The following KCNB2 variants were observed in gnomAD, a reference collection of about 807,000 sequenced individuals.
The protein encoded by KCNB2 is delayed rectifier potassium channel protein.
A neutral mutation model predicts 61.5 loss-of-function variants in KCNB2; 15 were observed. That is an observed-to-expected ratio of 0.24 (90% CI 0.16 to 0.38). The LOEUF (loss-of-function observed/expected upper bound fraction) is 0.38, where lower values mean the gene tolerates loss of function less well. KCNB2 is among the 10% of genes least tolerant of loss of function. KCNB2 has a pLI of 1.00. For synonymous variants in KCNB2, 457 were observed against 446.0 expected (o/e 1.02, Z -0.31); for missense variants, 828 against 1,125.2 (o/e 0.74, Z 3.78).
chr8:72,787,780 G>T (rs778008353), intron 2 of KCNB2, among the ~76,000 whole-genome samples: 3 of 151,996 alleles, frequency 2.0e-5, no homozygotes, highest in Non-Finnish European at 4.4e-5. Context: ...TGTCTTTTAT[G>T]CATTTTACAT....
rs746508455 is a variant in KCNB2, at chr8:72,936,930, C to T, written c.1575C>T (p.Asn525=). ...AAAAAGACTCCCACGAGCAGCTGAACAACACGTCTTCCTCCAGCCCACAGC... is the reference window on the plus strand; with the variant it reads ...AAAAAGACTCCCACGAGCAGCTGAATAACACGTCTTCCTCCAGCCCACAGC... ...VSQKDSHEQL[N]NTSSSSPQHL... is the part of the protein sequence containing the mutation. The change falls in exon 3 of 3, where the codon AAC becomes AAT. Residue 525 remains asparagine, a synonymous_variant. Coordinates refer to ENST00000523207, the MANE Select transcript of KCNB2 (RefSeq NM_004770.3). This position sits in a 1 kb window ranked among gnomAD's most constrained non-coding sequence, Gnocchi z 5.6. 6.2e-7 allele frequency: 1 copy of T among 1,614,160 alleles called. No homozygotes were observed. The highest frequency in any genetic ancestry group is 8.5e-7 in the Non-Finnish European group (1 of 1,180,028).
chr8:72,626,393 A>G (rs1208963420), intron 2 of KCNB2, among the ~76,000 whole-genome samples: 1 of 152,210 alleles, frequency 6.6e-6, no homozygotes. Flanking sequence ...CTTGAAATTA[A>G]TATGTAATCA....
intron 2 of KCNB2, among the ~76,000 whole-genome samples, chr8:72,623,706 A>G (rs1000360145): frequency 1.6e-4 from 24 of 152,216 alleles, no homozygotes; most frequent in East Asian, 1.9e-4. Context: ...CTTCCTGGTC[A>G]TATTCAAAAA....
chr8:72,931,973 A>G (rs1054541639), intron 2 of KCNB2, among the ~76,000 whole-genome samples: 1 of 152,224 alleles, frequency 6.6e-6, no homozygotes, highest in Middle Eastern at 3.4e-3. Context: ...AGATCGTGCC[A>G]CTGCACTCCA....
intron 2 of KCNB2, among the ~76,000 whole-genome samples, chr8:72,725,593 A>ATGTG (rs1225131935): frequency 1.2e-4 from 4 of 32,434 alleles, no homozygotes; most frequent in African/African-American, 3.0e-4. Context: ...ATATGTATGT[A>ATGTG]TATATATATA....
chr8:72,923,208 G>T (rs1018845931), intron 2 of KCNB2, among the ~76,000 whole-genome samples: 5 of 151,824 alleles, frequency 3.3e-5, no homozygotes, highest in African/African-American at 1.2e-4. Flanking sequence ...GCTTCAGAAA[G>T]AATAGATTGT....
intron 2 of KCNB2, among the ~76,000 whole-genome samples, chr8:72,762,514 A>C (rs530796221): frequency 2.8e-4 from 42 of 152,224 alleles, no homozygotes; most frequent in African/African-American, 9.9e-4. Context: ...ACTGCTTGGC[A>C]CAGTTTAGGT....
Position 72,860,380 on chromosome 8 carries a change from G to A in KCNB2, c.580-75555G>A, listed in dbSNP as rs185796054. On this transcript the variant is annotated intron_variant, in intron 2 of 2. Coordinates refer to ENST00000523207, the MANE Select transcript of KCNB2 (RefSeq NM_004770.3). ...TTTGTTTCTTGTCATCCTAGTAGAT[G>A]TGAAATGGTATCTTATTGTGGTTTT... Among the ~76,000 whole-genome samples the A allele has an allele frequency of 1.6e-4, 24 of 152,284 alleles. 1 individual carries two copies. In the East Asian group the frequency reaches 4.2e-3, roughly 27 times the overall value.
At chr8:72,867,367 G>A (rs1805537815) in intron 2 of KCNB2, among the ~76,000 whole-genome samples, 2 of 152,220 alleles carry the variant, frequency 1.3e-5, no homozygotes, top group Non-Finnish European at 2.9e-5. Context: ...GTGGGCCAGA[G>A]GCCGGGAGTG....
At chr8:72,930,219 T>C (rs1806750308) in intron 2 of KCNB2, among the ~76,000 whole-genome samples, 3 of 151,874 alleles carry the variant, frequency 2.0e-5, no homozygotes, top group Admixed American at 1.3e-4. Flanking sequence ...TTTGGGTTGG[T>C]TCCAGGTCTT....
chr8:72,745,280 A>G (rs776845995), intron 2 of KCNB2, among the ~76,000 whole-genome samples: 2 of 152,318 alleles, frequency 1.3e-5, no homozygotes, highest in Non-Finnish European at 2.9e-5. Flanking sequence ...GAAAATGAAC[A>G]TGCATATTTT....
chr8:72,646,658 A>G (rs1166539580), intron 2 of KCNB2, among the ~76,000 whole-genome samples: 1 of 152,198 alleles, frequency 6.6e-6, no homozygotes, highest in Non-Finnish European at 1.5e-5. Context: ...CATTCCACTT[A>G]TACGAGGTGT....
Position 72,936,919 on chromosome 8 carries a change from G to A in KCNB2, c.1564G>A (p.Glu522Lys), listed in dbSNP as rs745516217. The A allele has an allele frequency of 6.9e-5, 112 of 1,614,118 alleles. No individual in the cohort carries two copies. In the East Asian group the frequency reaches 1.9e-3, roughly 27 times the overall value. ...GGAGGTTAGCCAAAAAGACTCCCAC[G>A]AGCAGCTGAACAACACGTCTTCCTC... ...YQEVSQKDSH[E>K]QLNNTSSSSP... Residue 522 changes from glutamate (E) to lysine (K), a missense_variant, in exon 3 of 3, where the codon GAG (glutamate) becomes AAG (lysine). By Grantham distance (56) the Glu-to-Lys change is moderately conservative. Coordinates refer to ENST00000523207, the MANE Select transcript of KCNB2 (RefSeq NM_004770.3). The surrounding 1 kb of genome is among the most constrained non-coding windows in gnomAD (Gnocchi z 5.6).
At chr8:72,872,132 C>T (rs1277985901) in intron 2 of KCNB2, among the ~76,000 whole-genome samples, 1 of 152,162 alleles carries the variant, frequency 6.6e-6, no homozygotes, top group East Asian at 1.9e-4. Flanking sequence ...CTGTTGAATC[C>T]TTGAAGTAGT....
chr8:72,910,608 C>G (rs919660977), intron 2 of KCNB2, among the ~76,000 whole-genome samples: 1 of 152,088 alleles, frequency 6.6e-6, no homozygotes, highest in African/African-American at 2.4e-5. Flanking sequence ...GAGTAAAATT[C>G]TACCAAAGAG....
chr8:72,904,310 C>A (rs1192791868), intron 2 of KCNB2, among the ~76,000 whole-genome samples: 2 of 152,122 alleles, frequency 1.3e-5, no homozygotes, highest in Non-Finnish European at 2.9e-5. Flanking sequence ...AACTTCACCC[C>A]ATTTTTCCTC....
intron 2 of KCNB2, among the ~76,000 whole-genome samples, chr8:72,810,052 C>T (rs751778831): frequency 1.9e-4 from 29 of 152,122 alleles, no homozygotes; most frequent in Non-Finnish European, 3.2e-4. Flanking sequence ...CCTGTACAAC[C>T]AAGAGGCCTC....
Position 72,868,568 on chromosome 8 carries a change from C to G in KCNB2, c.580-67367C>G, listed in dbSNP as rs531485717. On this transcript the variant is annotated intron_variant, in intron 2 of 2. Transcript: ENST00000523207. ...ACTCCAGCCTGGCAACAAAGCAAGA[C>G]ACTGTCTCAAAAACAAAACAAACAA... Among the ~76,000 whole-genome samples the G allele has an allele frequency of 3.3e-5, 5 of 151,926 alleles. No homozygotes were observed. The South Asian group carries it at 1.0e-3, about 32-fold the overall frequency.
chr8:72,582,699 A>G (rs1329196788), intron 2 of KCNB2, among the ~76,000 whole-genome samples: 1 of 152,134 alleles, frequency 6.6e-6, no homozygotes, highest in African/African-American at 2.4e-5. Flanking sequence ...CGTAACCTCA[A>G]ACTCCTGGGC....
Sources: gnomAD v4.1 joint callset for allele counts (sites outside exome capture counted in the v4.1 genomes callset) on GRCh38, gnomAD v4.1.1 for gene constraint, Gnocchi (gnomAD v3.1) non-coding constraint, MANE v1.5 for transcripts, NCBI Gene and HGNC (gene_info 2026-07-23, HGNC 2026-07-21) for gene names.